CCDC62: variants seen among roughly 807,000 people sequenced by gnomAD.
CCDC62 encodes the protein coiled-coil domain-containing protein 62.
CCDC62 carries 72 observed loss-of-function variants against 80.8 expected under a neutral mutation model. That is an observed-to-expected ratio of 0.89 (90% confidence interval 0.74 to 1.08). The LOEUF (loss-of-function observed/expected upper bound fraction) is 1.08. Ranked by LOEUF, CCDC62 falls within the 50% of genes least tolerant of loss-of-function variation. The probability of loss-of-function intolerance (pLI) is 0.00; values close to 1 mark genes in which losing one functional copy is unlikely to be tolerated. For synonymous variants in CCDC62, 286 were observed against 296.5 expected (o/e 0.96, Z 0.36); for missense variants, 704 against 809.4 (o/e 0.87, Z 1.58).
At chr12:122,785,514 C>T (rs917039950) in intron 3 of CCDC62, among the ~76,000 whole-genome samples, 2 of 152,096 alleles carry the variant, frequency 1.3e-5, no homozygotes, top group Non-Finnish European at 2.9e-5. Flanking sequence ...ATTTGTATTC[C>T]TTTTTGATGA....
intron 11 of CCDC62, among the ~76,000 whole-genome samples, chr12:122,814,753 C>T (rs2032093704): frequency 6.6e-6 from 1 of 152,080 alleles, no homozygotes; most frequent in South Asian, 2.1e-4. Flanking sequence ...AGTGATCCAC[C>T]TGCCTTGGCC....
intron 12 of CCDC62, 29 bp from the exon 13 acceptor site, chr12:122,826,393 A>C (rs749309382): frequency 2.6e-6 from 2 of 778,780 alleles, no homozygotes; most frequent in South Asian, 1.3e-5. Context: ...GTATTTTATT[A>C]ATGTTGTGTT....
intron 11 of CCDC62, among the ~76,000 whole-genome samples, chr12:122,818,452 C>CAAAAAAAA (rs138729013): frequency 9.7e-5 from 6 of 61,962 alleles, no homozygotes; most frequent in African/African-American, 3.1e-4. Context: ...GACTCTGTCT[C>CAAAAAAAA]AAAAAAAAAA....
At chr12:122,819,761 A>G (rs921500192) in intron 11 of CCDC62, among the ~76,000 whole-genome samples, 1 of 152,170 alleles carries the variant, frequency 6.6e-6, no homozygotes, top group African/African-American at 2.4e-5. Flanking sequence ...CATTCCACAT[A>G]CATAAGGAGA....
intron 6 of CCDC62, among the ~76,000 whole-genome samples, chr12:122,792,645 A>C (rs979755092): frequency 6.6e-6 from 1 of 151,756 alleles, no homozygotes; most frequent in Non-Finnish European, 1.5e-5. Flanking sequence ...CAGCCTCCCA[A>C]GTAGCTGGGA....
chr12:122,810,252 A>G (rs1357029976), intron 10 of CCDC62, among the ~76,000 whole-genome samples: 1 of 152,110 alleles, frequency 6.6e-6, no homozygotes, highest in African/African-American at 2.4e-5. Flanking sequence ...ATGGGAGAAA[A>G]TTTTTGCAAT....
chr12:122,815,192 C>T (rs1399925463), intron 11 of CCDC62, among the ~76,000 whole-genome samples: 5 of 152,174 alleles, frequency 3.3e-5, no homozygotes, highest in Non-Finnish European at 7.4e-5. Context: ...GATCTTCCCA[C>T]CTCAGCCTCC....
chr12:122,782,127 G>GAGTCCA (rs1329472205), intron 3 of CCDC62, among the ~76,000 whole-genome samples: 1 of 151,904 alleles, frequency 6.6e-6, no homozygotes, highest in Admixed American at 6.6e-5. Context: ...TTGGGCCCAG[G>GAGTCCA]AGTCCAAGTC....
Position 122,778,696 on chromosome 12 carries a change from A to G in CCDC62, c.229+1013A>G, listed in dbSNP as rs570822433. ...GGAGTTCAATACCAGCCCAGCCAACATGGTGTACCTCGTCTCTACTAGAAA... is the reference window on the plus strand; with the variant it reads ...GGAGTTCAATACCAGCCCAGCCAACGTGGTGTACCTCGTCTCTACTAGAAA... On this transcript the variant is annotated intron_variant, in intron 2 of 12. Coordinates refer to ENST00000253079, the MANE Select transcript of CCDC62 (RefSeq NM_201435.5). Among the ~76,000 whole-genome samples, 3 of 152,208 alleles carry G rather than the reference A, an allele frequency of 2.0e-5. No homozygotes were observed. The South Asian group carries it at 6.2e-4, about 32-fold the overall frequency.
chr12:122,814,279 C>CAAA (rs1242349597), intron 11 of CCDC62, among the ~76,000 whole-genome samples: 36 of 119,522 alleles, frequency 3.0e-4, no homozygotes, highest in African/African-American at 9.7e-4. Flanking sequence ...AGCTCCACCT[C>CAAA]AAAAAAAAAA....
chr12:122,795,853 G>A (rs2030921402), intron 6 of CCDC62, among the ~76,000 whole-genome samples: 1 of 152,188 alleles, frequency 6.6e-6, no homozygotes, highest in African/African-American at 2.4e-5. Flanking sequence ...TCTGCCTCAG[G>A]TCTCCCAGGC....
intron 4 of CCDC62, among the ~76,000 whole-genome samples, chr12:122,787,939 T>C (rs538795161): frequency 6.6e-6 from 1 of 152,280 alleles, no homozygotes; most frequent in East Asian, 1.9e-4. Flanking sequence ...CCTGTACTTA[T>C]TAGAACGGTT....
At chr12:122,810,948 C>T (rs1321591055) in intron 10 of CCDC62, among the ~76,000 whole-genome samples, 3 of 147,620 alleles carry the variant, frequency 2.0e-5, no homozygotes, top group East Asian at 4.0e-4. Flanking sequence ...CATGTTCTCA[C>T]TCATAGGTGG....
chr12:122,793,740 C>T (rs2030771173), intron 6 of CCDC62, among the ~76,000 whole-genome samples: 1 of 152,018 alleles, frequency 6.6e-6, no homozygotes, highest in South Asian at 2.1e-4. Flanking sequence ...CAGGTGCGAG[C>T]CACCATGCCC....
Position 122,823,474 on chromosome 12 carries a change from CTTA to C in CCDC62, c.*40+17_*40+19del. 8.0e-6 allele frequency: 9 copies of C among 1,131,316 alleles called. No homozygotes were observed. The highest frequency in any genetic ancestry group is 1.2e-5 in the Non-Finnish European group (9 of 741,928). The allele number at this position is 1,131,316 out of a possible 1,614,324, so 70.1% of individuals were successfully genotyped here. A position where few individuals can be genotyped will look rare whatever the true frequency, so the allele number is the denominator to read the frequency against. On this transcript the variant is annotated intron_variant, in intron 12 of 12. Transcript: ENST00000253079. ...CGTGATCACGAGTAAGTCACCTTTGCTTATCTCACCTTATATCTCAATTAATAT... is the reference window on the plus strand; with the variant it reads ...CGTGATCACGAGTAAGTCACCTTTGCTCTCACCTTATATCTCAATTAATAT...
intron 11 of CCDC62, among the ~76,000 whole-genome samples, chr12:122,821,856 C>G (rs1377087725): frequency 6.6e-6 from 1 of 152,086 alleles, no homozygotes; most frequent in Non-Finnish European, 1.5e-5. Flanking sequence ...AGCTGTGTAT[C>G]TATCACCTCA....
chr12:122,777,425 A>G, intron 1 of CCDC62, 66 bp from the exon 2 acceptor site: 1 of 1,399,402 alleles, frequency 7.1e-7, no homozygotes, highest in Non-Finnish European at 9.8e-7. Context: ...TATTTGGAAA[A>G]TGGACTTTGG....
chr12:122,801,214 G>C lies in CCDC62; in HGVS notation c.1068G>C (p.Gln356His), dbSNP rs1285692210. 1 of 1,614,058 alleles carries C rather than the reference G, an allele frequency of 6.2e-7. No individual in the cohort carries two copies. The highest frequency in any genetic ancestry group is 8.5e-7 in the Non-Finnish European group (1 of 1,180,042). The stretch of plus-strand genomic sequence containing the variant: ...ATCAGAAGTCACTGTTTAAGGACCA[G>C]AAATTTGAAGCCATGTTGGTTCAGC... ...EKNQKSLFKDQKFEAMLVQQN... is the reference protein window; with the variant it reads ...EKNQKSLFKDHKFEAMLVQQN... Residue 356 changes from glutamine to histidine, a missense_variant, in exon 9 of 13, where the codon CAG becomes CAC. Transcript: ENST00000253079.
At chr12:122,811,681 G>A (rs1322934875) in intron 10 of CCDC62, among the ~76,000 whole-genome samples, 11 of 151,132 alleles carry the variant, frequency 7.3e-5, no homozygotes, top group African/African-American at 1.2e-4. Context: ...TTAGCTGGGC[G>A]TGGTGGCACA....
Sources: gnomAD v4.1 joint callset for allele counts (sites outside exome capture counted in the v4.1 genomes callset) on GRCh38, gnomAD v4.1.1 for gene constraint, MANE v1.5 for transcripts, NCBI Gene and HGNC (gene_info 2026-07-23, HGNC 2026-07-21) for gene names.